Variants in PPP2R5C observed in about 807,000 individuals in gnomAD.
PPP2R5C encodes protein phosphatase 2 regulatory subunit B'gamma, also known as serine/threonine-protein phosphatase 2A 56 kDa regulatory subunit gamma isoform.
In PPP2R5C, 7 loss-of-function variants were observed where a neutral mutation model predicts 68.9. That is an observed-to-expected ratio of 0.10 (90% confidence interval 0.06 to 0.19). The LOEUF (loss-of-function observed/expected upper bound fraction) is 0.19, where lower values mean the gene tolerates loss of function less well. Among genes scored for constraint, PPP2R5C ranks in the 10% least tolerant of loss-of-function variants. The pLI, the probability that PPP2R5C is intolerant of heterozygous loss-of-function variation, is 1.00. For synonymous variants in PPP2R5C, 210 were observed against 222.2 expected (o/e 0.95, Z 0.49); for missense variants, 348 against 641.3 (o/e 0.54, Z 4.94).
intron 5 of PPP2R5C, among the ~76,000 whole-genome samples, chr14:101,887,896 G>C (rs180985060): frequency 6.6e-6 from 1 of 152,248 alleles, no homozygotes; most frequent in African/African-American, 2.4e-5. Context: ...TTCCCTTTCT[G>C]CTGAAAGAGT....
chr14:101,772,828 G>A (rs974723791), intron 2 of PPP2R5C, among the ~76,000 whole-genome samples: 2 of 152,038 alleles, frequency 1.3e-5, no homozygotes, highest in Non-Finnish European at 2.9e-5. Context: ...AAAGTAATAC[G>A]GAAATCAAGG....
intron 3 of PPP2R5C, among the ~76,000 whole-genome samples, chr14:101,795,296 T>C (rs1307512684): frequency 6.6e-6 from 1 of 152,094 alleles, no homozygotes; most frequent in Non-Finnish European, 1.5e-5. Flanking sequence ...ACATACAGAG[T>C]ATGTGAGATG....
chr14:101,813,682 G>T (rs118152451), intron 1 of PPP2R5C, among the ~76,000 whole-genome samples: 2,868 of 152,264 alleles, frequency 0.019, 40 homozygotes, highest in Non-Finnish European at 0.027. Flanking sequence ...TTTCCAGCTG[G>T]CCCTTATTCT....
intron 2 of PPP2R5C, among the ~76,000 whole-genome samples, chr14:101,783,728 C>T (rs189703000): frequency 1.0e-3 from 153 of 152,292 alleles, no homozygotes; most frequent in African/African-American, 9.9e-4. Flanking sequence ...TCAGAAGCCA[C>T]GGGGGAGCCC....
At chr14:101,774,334 A>G (rs946615120) in intron 2 of PPP2R5C, among the ~76,000 whole-genome samples, 2 of 152,330 alleles carry the variant, frequency 1.3e-5, no homozygotes, top group Middle Eastern at 3.4e-3. Flanking sequence ...AGTTTTTCCT[A>G]GACAGACTGG....
chr14:101,876,093 T>C (rs1481795099), intron 2 of PPP2R5C, among the ~76,000 whole-genome samples: 2 of 152,334 alleles, frequency 1.3e-5, no homozygotes, highest in South Asian at 2.1e-4. Context: ...GTCTGTTGCT[T>C]CTGTTTTCCA....
At chr14:101,812,294 A>G (rs2039408419) in intron 1 of PPP2R5C, among the ~76,000 whole-genome samples, 1 of 152,164 alleles carries the variant, frequency 6.6e-6, no homozygotes. Context: ...CTGCCACGAG[A>G]GGGCTAAAGC....
intron 2 of PPP2R5C, among the ~76,000 whole-genome samples, chr14:101,878,939 G>T (rs921377037): frequency 3.5e-4 from 53 of 152,120 alleles, no homozygotes; most frequent in Non-Finnish European, 8.8e-5. Flanking sequence ...TTCAGTTATC[G>T]CCTTTAACCA....
intron 2 of PPP2R5C, among the ~76,000 whole-genome samples, chr14:101,778,590 A>G (rs1566828886): frequency 6.6e-6 from 1 of 151,990 alleles, no homozygotes; most frequent in Non-Finnish European, 1.5e-5. Flanking sequence ...CTGTGGTGTG[A>G]GGGGGGATCC....
At chr14:101,890,090 C>A in intron 5 of PPP2R5C, 147 bp from the exon 8 acceptor site, 1 of 752,572 alleles carries the variant, frequency 1.3e-6, no homozygotes, top group Non-Finnish European at 2.3e-6. Flanking sequence ...TTCTTTGGTT[C>A]CTGAAGGGCT....
At chr14:101,864,370 A>G (rs1234384660) in intron 2 of PPP2R5C, among the ~76,000 whole-genome samples, 1 of 152,164 alleles carries the variant, frequency 6.6e-6, no homozygotes, top group African/African-American at 2.4e-5. Context: ...GTACTCAATC[A>G]TGCAAGAAAT....
At chr14:101,815,996 C>T (rs1316407154) in intron 1 of PPP2R5C, among the ~76,000 whole-genome samples, 1 of 152,220 alleles carries the variant, frequency 6.6e-6, no homozygotes, top group Non-Finnish European at 1.5e-5. Context: ...TAGCTAAATA[C>T]CTCATCAGTG....
chr14:101,882,980 A>G lies in PPP2R5C; in HGVS notation c.406-277A>G. 3.2e-6 allele frequency: 1 copy of G among 308,124 alleles called. No individual in the cohort carries two copies. The highest frequency in any genetic ancestry group is 4.2e-5 in the South Asian group (1 of 23,906). The allele number at this position is 308,124 out of a possible 1,614,324, so 19.1% of individuals were successfully genotyped here. A position where few individuals can be genotyped will look rare whatever the true frequency, so the allele number is the denominator to read the frequency against. Reference sequence around the variant, plus strand: ...TTGGTTTGTGGCATCTGTGCCCTGTAGTCCCTGAACAGTGTACTATAACTG... The same window carrying G: ...TTGGTTTGTGGCATCTGTGCCCTGTGGTCCCTGAACAGTGTACTATAACTG... On this transcript the variant is annotated intron_variant, in intron 3 of 13. Coordinates refer to ENST00000334743, the Ensembl canonical transcript of PPP2R5C. This position sits in a 1 kb window ranked among gnomAD's most constrained non-coding sequence, Gnocchi z 4.9.
intron 1 of PPP2R5C, among the ~76,000 whole-genome samples, chr14:101,812,197 G>A (rs574437122): frequency 4.8e-4 from 73 of 152,274 alleles, no homozygotes; most frequent in African/African-American, 1.7e-3. Context: ...GAGCAGCTCC[G>A]GTGTGCCAAG....
At chr14:101,844,983 TTAG>T (rs1263715433) in intron 1 of PPP2R5C, among the ~76,000 whole-genome samples, 1 of 152,120 alleles carries the variant, frequency 6.6e-6, no homozygotes, top group Non-Finnish European at 1.5e-5. Context: ...TGTTGAGCAT[TTAG>T]TAATCAGTGC....
At chr14:101,853,144 T>C (rs558639491) in intron 1 of PPP2R5C, among the ~76,000 whole-genome samples, 3 of 152,122 alleles carry the variant, frequency 2.0e-5, no homozygotes, top group Non-Finnish European at 4.4e-5. Context: ...AAGAAGTTGT[T>C]AAATTAACTT....
At chr14:101,831,912 G>A (rs922365723) in intron 1 of PPP2R5C, 4 of 577,312 alleles carry the variant, frequency 6.9e-6, no homozygotes, top group African/African-American at 3.7e-5. Flanking sequence ...TGTTATTTAA[G>A]CAGCAATATT....
At chr14:101,816,403 G>A (rs1377347626) in intron 1 of PPP2R5C, among the ~76,000 whole-genome samples, 2 of 152,114 alleles carry the variant, frequency 1.3e-5, no homozygotes, top group Non-Finnish European at 2.9e-5. Context: ...CTTTATTTGA[G>A]GCCCTTGAAT....
chr14:101,778,302 A>G (rs2037518855), intron 2 of PPP2R5C, among the ~76,000 whole-genome samples: 2 of 151,958 alleles, frequency 1.3e-5, no homozygotes, highest in Admixed American at 1.3e-4. Flanking sequence ...AGTTCTTTTC[A>G]TATTCTGGAT....
Sources: allele counts gnomAD v4.1 joint callset (sites outside exome capture counted in the v4.1 genomes callset), GRCh38; gene constraint gnomAD v4.1.1; non-coding constraint Gnocchi (gnomAD v3.1); transcripts MANE v1.5; gene names NCBI Gene and HGNC (gene_info 2026-07-23, HGNC 2026-07-21).